UBE2E2: variants seen among roughly 807,000 people sequenced by gnomAD.
UBE2E2 encodes ubiquitin-conjugating enzyme E2 E2.
In UBE2E2, 6 loss-of-function variants were observed where a neutral mutation model predicts 24.7. The observed-to-expected ratio is 0.24, with a 90% confidence interval of 0.13 to 0.48. The LOEUF (loss-of-function observed/expected upper bound fraction) is 0.48. UBE2E2 is among the 20% of genes least tolerant of loss of function. The pLI is 0.99. For missense variants in UBE2E2, 169 were observed against 245.0 expected (o/e 0.69, Z 2.07); for synonymous variants, 104 against 83.6 (o/e 1.24, Z -1.33).
chr3:23,469,630 A>C (rs1203648112), intron 3 of UBE2E2, among the ~76,000 whole-genome samples: 1 of 152,192 alleles, frequency 6.6e-6, no homozygotes, highest in African/African-American at 2.4e-5. Context: ...TGCCAAGTTG[A>C]CCGACAGTTC....
At chr3:23,217,543 C>T (rs1431093960) in intron 3 of UBE2E2, among the ~76,000 whole-genome samples, 1 of 151,430 alleles carries the variant, frequency 6.6e-6, no homozygotes, top group African/African-American at 2.4e-5. Context: ...TAGTGTAATG[C>T]AATAACAGTA....
chr3:23,550,165 T>C (rs934254543), intron 5 of UBE2E2, among the ~76,000 whole-genome samples: 12 of 152,240 alleles, frequency 7.9e-5, no homozygotes, highest in African/African-American at 2.9e-4. Flanking sequence ...GAATGAATTA[T>C]AACTCAAACT....
intron 3 of UBE2E2, among the ~76,000 whole-genome samples, chr3:23,365,619 A>G (rs994529381): frequency 2.6e-4 from 39 of 152,218 alleles, no homozygotes; most frequent in Admixed American, 5.2e-4. Flanking sequence ...ATCATAGGTG[A>G]CACAAATGGA....
chr3:23,247,442 C>A (rs1227011913), intron 3 of UBE2E2, among the ~76,000 whole-genome samples: 2 of 151,400 alleles, frequency 1.3e-5, no homozygotes, highest in East Asian at 2.0e-4. Flanking sequence ...AGAACCTCTG[C>A]CTCCCGCGTA....
intron 3 of UBE2E2, among the ~76,000 whole-genome samples, chr3:23,438,805 T>C (rs1698236478): frequency 6.6e-6 from 1 of 152,236 alleles, no homozygotes; most frequent in Non-Finnish European, 1.5e-5. Context: ...TGGTTTCAGC[T>C]GTATTCATAT....
intron 3 of UBE2E2, among the ~76,000 whole-genome samples, chr3:23,460,371 C>T (rs1698781240): frequency 6.6e-6 from 1 of 152,282 alleles, no homozygotes; most frequent in Middle Eastern, 3.4e-3. Flanking sequence ...AGTGTTATTG[C>T]TTAGTACTCA....
At chr3:23,565,004 G>C (rs1696032806) in intron 5 of UBE2E2, among the ~76,000 whole-genome samples, 1 of 152,168 alleles carries the variant, frequency 6.6e-6, no homozygotes, top group Admixed American at 6.6e-5. Flanking sequence ...CAGTGGGAGA[G>C]TGGGTGGCGG....
intron 3 of UBE2E2, among the ~76,000 whole-genome samples, chr3:23,312,634 G>A (rs1020757716): frequency 1.3e-5 from 2 of 151,760 alleles, no homozygotes; most frequent in Non-Finnish European, 2.9e-5. Context: ...ATTTATTTCT[G>A]CTCTGATCTT....
chr3:23,582,377 C>G (rs1479172635), intron 5 of UBE2E2, among the ~76,000 whole-genome samples: 1 of 152,156 alleles, frequency 6.6e-6, no homozygotes, highest in Admixed American at 6.5e-5. Context: ...CATACACATA[C>G]ATGTTTCTTT....
rs573005025 is a variant in UBE2E2, at chr3:23,574,081, G to A, written c.509-15653G>A. Among the ~76,000 whole-genome samples the A allele has an allele frequency of 3.3e-5, 5 of 152,268 alleles. 1 individual carries two copies. Among genetic ancestry groups the A allele is most frequent in the African/African-American group, 7.2e-5 (3 of 41,554 alleles). ...TCCTATGATTTGCAACAACATGGAC[G>A]GAGCTGGAGGTCATTATGTTAAGTG... On this transcript the variant is annotated intron_variant, in intron 5 of 5. Coordinates refer to ENST00000396703, the MANE Select transcript of UBE2E2 (RefSeq NM_152653.4).
intron 3 of UBE2E2, among the ~76,000 whole-genome samples, chr3:23,333,825 T>C (rs1695133327): frequency 2.0e-5 from 3 of 152,294 alleles, no homozygotes; most frequent in South Asian, 2.1e-4. Flanking sequence ...AGAGATATAT[T>C]AGTCATCACC....
intron 3 of UBE2E2, among the ~76,000 whole-genome samples, chr3:23,413,862 C>T (rs1004945599): frequency 6.6e-6 from 1 of 152,210 alleles, no homozygotes; most frequent in Non-Finnish European, 1.5e-5. Flanking sequence ...AATGAGGAAT[C>T]ATTCCACTAC....
In UBE2E2 at chr3:23,529,183, A is replaced by G. The variant is rs552933852; in HGVS notation, c.361-3371A>G. Among the ~76,000 whole-genome samples the G allele has an allele frequency of 4.6e-5, 7 of 152,362 alleles. 1 individual carries two copies. In the South Asian group the frequency reaches 1.4e-3, roughly 32 times the overall value. On this transcript the variant is annotated intron_variant, in intron 4 of 5. Coordinates refer to ENST00000396703, the MANE Select transcript of UBE2E2 (RefSeq NM_152653.4). ...CTATGGCTATCGCAGGGTACCATGAAGAATGTTTGTGATAGAGTTGTTTGT... is the reference window on the plus strand; with the variant it reads ...CTATGGCTATCGCAGGGTACCATGAGGAATGTTTGTGATAGAGTTGTTTGT...
intron 3 of UBE2E2, among the ~76,000 whole-genome samples, chr3:23,265,889 A>G (rs1196116155): frequency 2.6e-5 from 4 of 151,990 alleles, no homozygotes; most frequent in Non-Finnish European, 5.9e-5. Flanking sequence ...TGATCCCTTT[A>G]CCATTATGTA....
At chr3:23,389,163 A>G (rs1390858483) in intron 3 of UBE2E2, among the ~76,000 whole-genome samples, 1 of 152,178 alleles carries the variant, frequency 6.6e-6, no homozygotes, top group African/African-American at 2.4e-5. Flanking sequence ...ACAATAATCT[A>G]TGTTTTTTTG....
intron 3 of UBE2E2, among the ~76,000 whole-genome samples, chr3:23,488,247 C>A (rs551374175): frequency 4.0e-5 from 6 of 149,082 alleles, no homozygotes; most frequent in African/African-American, 1.5e-4. Flanking sequence ...GATACGTGTG[C>A]AGAACGTGCA....
At position 23,281,623 on chromosome 3, in the gene UBE2E2, G is replaced by C. The variant is rs79193250; in HGVS notation, c.227+64311G>C. Among the ~76,000 whole-genome samples the C allele has an allele frequency of 3.7e-3, 571 of 152,274 alleles. 16 individuals carry two copies. The East Asian group carries it at 0.076, about 20-fold the overall frequency. ...ACTGCATTCCAGCCTGGGTGACATA[G>C]CAAGATCCTGTCTGTTTAAAAAAGA... On this transcript the variant is annotated intron_variant, in intron 3 of 5. Transcript: ENST00000396703.
At chr3:23,266,060 C>T (rs1019773081) in intron 3 of UBE2E2, among the ~76,000 whole-genome samples, 6 of 152,086 alleles carry the variant, frequency 3.9e-5, no homozygotes, top group Admixed American at 1.3e-4. Context: ...GAGATGGGTT[C>T]CCTGAATACA....
At position 23,589,951 on chromosome 3, in the gene UBE2E2, C is replaced by A; in HGVS notation, c.*120C>A. Reference sequence around the variant, plus strand: ...TTCCTATTTTTATTAAATTTGGAACCATTTTGTGATGGTATGTTGTCCATC... The same window carrying A: ...TTCCTATTTTTATTAAATTTGGAACAATTTTGTGATGGTATGTTGTCCATC... On this transcript the variant is annotated 3_prime_UTR_variant, in exon 6 of 6. Coordinates refer to ENST00000396703, the MANE Select transcript of UBE2E2 (RefSeq NM_152653.4). This position sits in a 1 kb window ranked among gnomAD's most constrained non-coding sequence, Gnocchi z 4.1. 1 of 921,316 alleles carries A rather than the reference C, an allele frequency of 1.1e-6. No individual in the cohort carries two copies. The highest frequency in any genetic ancestry group is 1.6e-6 in the Non-Finnish European group (1 of 611,072). 57.1% of individuals were successfully genotyped at this position (921,316 alleles called of 1,614,324 possible).
Sources: allele counts gnomAD v4.1 joint callset (sites outside exome capture counted in the v4.1 genomes callset), GRCh38; gene constraint gnomAD v4.1.1; non-coding constraint Gnocchi (gnomAD v3.1); transcripts MANE v1.5; gene names NCBI Gene and HGNC (gene_info 2026-07-23, HGNC 2026-07-21).